Variants in ZEB1 observed in about 807,000 individuals in gnomAD.
ZEB1 encodes the protein zinc finger E-box binding homeobox 1.
Under a neutral mutation model 84.9 loss-of-function variants are expected in ZEB1, and 21 were observed. That is an observed-to-expected ratio of 0.25 (90% confidence interval 0.18 to 0.36). The LOEUF is 0.36. Among genes scored for constraint, ZEB1 ranks in the 10% least tolerant of loss-of-function variants. The pLI is 1.00. For synonymous variants in ZEB1, 420 were observed against 471.1 expected (o/e 0.89, Z 1.41); for missense variants, 1,104 against 1,330.2 (o/e 0.83, Z 2.65).
At chr10:31,523,016 G>A (rs1176700073) in intron 7 of ZEB1, among the ~76,000 whole-genome samples, 1 of 152,228 alleles carries the variant, frequency 6.6e-6, no homozygotes, top group Non-Finnish European at 1.5e-5. Context: ...TCAAGTAGCA[G>A]TGAAAGTAGA....
chr10:31,363,967 C>A (rs567460090), intron 1 of ZEB1: 2 of 1,291,372 alleles, frequency 1.5e-6, no homozygotes, highest in South Asian at 1.6e-5. Flanking sequence ...GAAGGCCTCA[C>A]GGACAAGACG....
chr10:31,515,761 T>A (rs2070971200), intron 6 of ZEB1, among the ~76,000 whole-genome samples: 1 of 152,088 alleles, frequency 6.6e-6, no homozygotes, highest in Non-Finnish European at 1.5e-5. Flanking sequence ...CACACATTGA[T>A]TATTGTTTCT....
chr10:31,475,254 A>G (rs1210483193), intron 2 of ZEB1, among the ~76,000 whole-genome samples: 12 of 152,156 alleles, frequency 7.9e-5, no homozygotes, highest in Non-Finnish European at 1.5e-4. Flanking sequence ...CAGACAAAAA[A>G]TAAGTTTTGT....
chr10:31,495,295 A>G (rs560030815), intron 2 of ZEB1, among the ~76,000 whole-genome samples: 3 of 152,192 alleles, frequency 2.0e-5, no homozygotes, highest in East Asian at 3.9e-4. Flanking sequence ...AAAATATATA[A>G]TTCTACCGTC....
chr10:31,482,551 T>C (rs772381904), intron 2 of ZEB1, among the ~76,000 whole-genome samples: 5 of 151,944 alleles, frequency 3.3e-5, no homozygotes, highest in Non-Finnish European at 7.4e-5. Flanking sequence ...TAGCATTGTA[T>C]AATGTTAATT....
At chr10:31,525,494 A>C (rs752790957) in intron 8 of ZEB1, among the ~76,000 whole-genome samples, 1 of 152,190 alleles carries the variant, frequency 6.6e-6, no homozygotes, top group South Asian at 2.1e-4. Flanking sequence ...CTCTCCAGCC[A>C]GTACAAACTG....
At chr10:31,341,251 G>A (rs1177612503) in intron 1 of ZEB1, among the ~76,000 whole-genome samples, 2 of 152,060 alleles carry the variant, frequency 1.3e-5, no homozygotes, top group Non-Finnish European at 2.9e-5. Flanking sequence ...GGTGACGAGG[G>A]CTTAAACTGA....
chr10:31,493,146 G>A (rs184893805), intron 2 of ZEB1, among the ~76,000 whole-genome samples: 22 of 151,862 alleles, frequency 1.4e-4, no homozygotes, highest in African/African-American at 5.3e-4. Context: ...CCTTACCCCT[G>A]GCAACCACTA....
chr10:31,355,572 A>C (rs2041989187), intron 1 of ZEB1, among the ~76,000 whole-genome samples: 1 of 152,052 alleles, frequency 6.6e-6, no homozygotes, highest in African/African-American at 2.4e-5. Flanking sequence ...ATGGTGGGGG[A>C]GTGTTGAATG....
chr10:31,435,359 T>C (rs2058163235), intron 1 of ZEB1, among the ~76,000 whole-genome samples: 1 of 152,250 alleles, frequency 6.6e-6, no homozygotes, highest in Admixed American at 6.5e-5. Context: ...ATAATAAATG[T>C]ATGCTATTTT....
chr10:31,444,497 G>C (rs1446481232), intron 1 of ZEB1, among the ~76,000 whole-genome samples: 1 of 151,642 alleles, frequency 6.6e-6, no homozygotes, highest in Non-Finnish European at 1.5e-5. Context: ...CCATGCCTAT[G>C]TCCTGAATGG....
chr10:31,398,032 G>A (rs1253761148), intron 1 of ZEB1, among the ~76,000 whole-genome samples: 2 of 152,306 alleles, frequency 1.3e-5, no homozygotes, highest in East Asian at 3.9e-4. Context: ...GGATTTGAAA[G>A]TGTATGAACA....
chr10:31,321,285 A>T (rs2033972161), intron 1 of ZEB1: 7 of 1,354,628 alleles, frequency 5.2e-6, no homozygotes, highest in Non-Finnish European at 6.7e-6. Context: ...TTATATTTTT[A>T]ATATATTCGA....
At position 31,529,440 on chromosome 10, in the gene ZEB1, A is replaced by G. The variant is rs1204732357; in HGVS notation, c.*2176A>G. 1 of 152,206 alleles carries G rather than the reference A, an allele frequency of 6.6e-6. No homozygotes were observed. 9.4% of individuals were successfully genotyped at this position (152,206 alleles called of 1,614,324 possible). The stretch of plus-strand genomic sequence containing the variant: ...TGAAATCCTTAATCCTCCGCATTTC[A>G]TGCTTCAGGTCATTTCAGGGAAGCC... On this transcript the variant is annotated 3_prime_UTR_variant, in exon 9 of 9. Coordinates refer to ENST00000424869, the MANE Select transcript of ZEB1 (RefSeq NM_001174096.2).
At chr10:31,512,783 G>A (rs1195784416) in intron 5 of ZEB1, among the ~76,000 whole-genome samples, 3 of 152,158 alleles carry the variant, frequency 2.0e-5, no homozygotes, top group Non-Finnish European at 4.4e-5. Flanking sequence ...AAAGCTGCTA[G>A]GTTTCACAGA....
intron 1 of ZEB1, among the ~76,000 whole-genome samples, chr10:31,349,960 A>G (rs1302530051): frequency 1.3e-5 from 2 of 152,004 alleles, no homozygotes; most frequent in East Asian, 3.8e-4. Flanking sequence ...TGTTGCCTAT[A>G]CTTTTAGGGT....
intron 1 of ZEB1, among the ~76,000 whole-genome samples, chr10:31,432,217 C>T (rs2057798059): frequency 6.6e-6 from 1 of 152,116 alleles, no homozygotes; most frequent in Non-Finnish European, 1.5e-5. Flanking sequence ...CCACTGGCTA[C>T]CTGTGGTTAT....
intron 1 of ZEB1, among the ~76,000 whole-genome samples, chr10:31,446,170 T>A (rs1208094614): frequency 1.3e-5 from 2 of 152,226 alleles, no homozygotes; most frequent in African/African-American, 2.4e-5. Flanking sequence ...GAGGAATGTA[T>A]CCATCTCTCC....
chr10:31,363,943 G>T, intron 1 of ZEB1: 1 of 1,300,626 alleles, frequency 7.7e-7, no homozygotes, highest in Non-Finnish European at 9.9e-7. Flanking sequence ...TGCAGGGTGA[G>T]CCCGGCCAGC....
Sources: allele counts gnomAD v4.1 joint callset (sites outside exome capture counted in the v4.1 genomes callset), GRCh38; gene constraint gnomAD v4.1.1; transcripts MANE v1.5; gene names NCBI Gene and HGNC (gene_info 2026-07-23, HGNC 2026-07-21).